WDR55: variants seen among roughly 807,000 people sequenced by gnomAD.
The protein encoded by WDR55 is WD repeat-containing protein 55.
In WDR55, 31 loss-of-function variants were observed where a neutral mutation model predicts 34.0. The observed-to-expected ratio is 0.91, with a 90% confidence interval of 0.69 to 1.23. WDR55 has a LOEUF of 1.23. Ranked by LOEUF, WDR55 falls within the 50% of genes most tolerant of loss-of-function variation. The pLI is 0.00. For synonymous variants in WDR55, 164 were observed against 185.9 expected, an observed-to-expected ratio of 0.88 and a Z score of 0.96; for missense variants, 440 against 494.6, an observed-to-expected ratio of 0.89 and a Z score of 1.05.
At position 140,668,873 on chromosome 5, in the gene WDR55, C is replaced by A; in HGVS notation, c.561-18C>A. 1 of 1,614,204 alleles carries A rather than the reference C, an allele frequency of 6.2e-7. No homozygotes were observed. Among genetic ancestry groups the A allele is most frequent in the South Asian group, 1.1e-5 (1 of 91,076 alleles). ...CAAATAGACCTTGCGTCTAAGCCTA[C>A]TGCTCTACTCTCTACAGCGGGGATG... On this transcript the variant is annotated intron_variant, in intron 4 of 6. Coordinates refer to ENST00000358337, the MANE Select transcript of WDR55 (RefSeq NM_017706.5).
In WDR55 at chr5:140,668,430, C is replaced by T. The variant is rs1757974406; in HGVS notation, c.308C>T (p.Ser103Phe). ...TTTTCCCCAGAGCTCATTACTGTCT[C>T]CAAGGACAAAGCCATCCATGTTCTA... ...SEDGQKLITV[S>F]KDKAIHVLDV... is the part of the protein sequence containing the mutation. The change falls in exon 3 of 7, where the codon TCC (serine) becomes TTC (phenylalanine). Residue 103 changes from serine (S) to phenylalanine (F), a missense_variant. Ser to Phe is a radical substitution (Grantham distance 155). Transcript: ENST00000358337. 6.2e-7 allele frequency: 1 copy of T among 1,614,060 alleles called. No homozygotes were observed. Among genetic ancestry groups the T allele is most frequent in the Non-Finnish European group, 8.5e-7 (1 of 1,180,050 alleles).
In WDR55 at chr5:140,669,322, T is replaced by C. The variant is rs749436887; in HGVS notation, c.831-11T>C. On this transcript the variant is annotated splice_polypyrimidine_tract_variant and intron_variant, in intron 6 of 6. Coordinates refer to ENST00000358337, the MANE Select transcript of WDR55 (RefSeq NM_017706.5). ...CTAGCCAGTACTCAACACTGTTCTT[T>C]CCCTGCCCAGGGCTGTGAACATCCT... 5.0e-6 allele frequency: 8 copies of C among 1,610,514 alleles called. No individual in the cohort carries two copies. The Middle Eastern group carries it at 8.3e-4, about 166-fold the overall frequency.
chr5:140,668,228 C>T lies in WDR55; in HGVS notation c.192-6C>T. On this transcript the variant is annotated splice_region_variant and splice_polypyrimidine_tract_variant and intron_variant, in intron 1 of 6. Coordinates refer to ENST00000358337, the MANE Select transcript of WDR55 (RefSeq NM_017706.5). ...GAGTCATTTACCCTCCTTGCCCTCTCCCCAGCTTTTCCTACTCTTGCCAAG... is the reference window on the plus strand; with the variant it reads ...GAGTCATTTACCCTCCTTGCCCTCTTCCCAGCTTTTCCTACTCTTGCCAAG... 1 of 1,595,066 alleles carries T rather than the reference C, an allele frequency of 6.3e-7. No individual in the cohort carries two copies. Among genetic ancestry groups the T allele is most frequent in the Non-Finnish European group, 8.5e-7 (1 of 1,169,746 alleles).
Position 140,664,957 on chromosome 5 carries a change from CGAG to C in WDR55, c.51_53del (p.Glu17del), listed in dbSNP as rs1561984668. The C allele has an allele frequency of 3.7e-6, 6 of 1,612,366 alleles. No homozygotes were observed. Among genetic ancestry groups the C allele is most frequent in the Non-Finnish European group, 5.1e-6 (6 of 1,179,300 alleles). ...AGAGGCCCGCTGAGGATGGGAGCGACGAGGAGGACCCAGACTCCATGGAAGCCC... is the reference window on the plus strand; with the variant it reads ...AGAGGCCCGCTGAGGATGGGAGCGACGAGGACCCAGACTCCATGGAAGCCC... On this transcript the variant is annotated inframe_deletion, in exon 1 of 7. Coordinates refer to ENST00000358337, the MANE Select transcript of WDR55 (RefSeq NM_017706.5).
intron 3 of WDR55, 27 bp downstream of exon 3, chr5:140,668,529 T>A (rs1373744739): frequency 1.2e-6 from 2 of 1,612,990 alleles, no homozygotes; most frequent in Admixed American, 3.3e-5. Flanking sequence ...ATTCTGTGTA[T>A]GTGCATGGAG....
Position 140,671,611 on chromosome 5 carries a change from G to C in WDR55, c.*1957G>C, listed in dbSNP as rs755742033. The C allele has an allele frequency of 8.9e-6, 14 of 1,573,556 alleles. 1 individual carries two copies. In the South Asian group the frequency reaches 1.3e-4, roughly 14 times the overall value. ...CCCGAGCCCCTTGGAACCCTAACTTGTCCCTTGCCAAAGCCAACTGGCTGC... is the reference window on the plus strand; with the variant it reads ...CCCGAGCCCCTTGGAACCCTAACTTCTCCCTTGCCAAAGCCAACTGGCTGC... On this transcript the variant is annotated 3_prime_UTR_variant, in exon 7 of 7. Coordinates refer to ENST00000358337, the MANE Select transcript of WDR55 (RefSeq NM_017706.5).
In WDR55 at chr5:140,669,330, C is replaced by T. The variant is rs746225503; in HGVS notation, c.831-3C>T. 8.1e-6 allele frequency: 13 copies of T among 1,610,322 alleles called. No individual in the cohort carries two copies. Among genetic ancestry groups the T allele is most frequent in the Middle Eastern group, 1.7e-4 (1 of 6,050 alleles). On this transcript the variant is annotated splice_region_variant and splice_polypyrimidine_tract_variant and intron_variant, in intron 6 of 6. Coordinates refer to ENST00000358337, the MANE Select transcript of WDR55 (RefSeq NM_017706.5). ...TACTCAACACTGTTCTTTCCCTGCC[C>T]AGGGCTGTGAACATCCTACCGAACC...
chr5:140,668,926 G>A lies in WDR55; in HGVS notation c.596G>A (p.Arg199Lys). 6.2e-7 allele frequency: 1 copy of A among 1,614,202 alleles called. No individual in the cohort carries two copies. Among genetic ancestry groups the A allele is most frequent in the Non-Finnish European group, 8.5e-7 (1 of 1,180,050 alleles). Residue 199 changes from arginine to lysine, a missense_variant, in exon 5 of 7, where the codon AGG becomes AAG. Arg to Lys is a conservative substitution (Grantham distance 26). Coordinates refer to ENST00000358337, the MANE Select transcript of WDR55 (RefSeq NM_017706.5). ...DGCLGIFNIK[R>K]RRFELLSEPQ... is the part of the protein sequence containing the mutation. ...TGCCTTGGCATCTTCAACATTAAGAGGCGTCGGTTTGAGCTGCTCTCAGAA... is the reference window on the plus strand; with the variant it reads ...TGCCTTGGCATCTTCAACATTAAGAAGCGTCGGTTTGAGCTGCTCTCAGAA...
rs74742794 is a variant in WDR55, at chr5:140,671,758, A to G, written c.*2104A>G. The G allele has an allele frequency of 1.5e-3, 2,402 of 1,563,882 alleles. 43 individuals are homozygous for G. The African/African-American group carries it at 0.029, about 19-fold the overall frequency. ...CACAGAGGTGTGACTGCCCTGTAGGAAAAATGCAAAGACAAGGGCAGGTCT... is the reference window on the plus strand; with the variant it reads ...CACAGAGGTGTGACTGCCCTGTAGGGAAAATGCAAAGACAAGGGCAGGTCT... On this transcript the variant is annotated 3_prime_UTR_variant, in exon 7 of 7. Transcript: ENST00000358337.
At position 140,672,048 on chromosome 5, in the gene WDR55, T is replaced by C. The variant is rs1581495134; in HGVS notation, c.*2394T>C. 5.3e-6 allele frequency: 3 copies of C among 569,502 alleles called. No individual in the cohort carries two copies. The highest frequency in any genetic ancestry group is 1.9e-5 in the African/African-American group (1 of 53,300). 35.3% of individuals were successfully genotyped at this position (569,502 alleles called of 1,614,324 possible). On this transcript the variant is annotated 3_prime_UTR_variant, in exon 7 of 7. Coordinates refer to ENST00000358337, the MANE Select transcript of WDR55 (RefSeq NM_017706.5). The stretch of plus-strand genomic sequence containing the variant: ...GGAAAACTTGCTGTAAGTCAGTCAG[T>C]GTGCTAAGTACCGTACACCCATTAT...
rs148362958 is a variant in WDR55, at chr5:140,665,298, A to G, written c.191+195A>G. On this transcript the variant is annotated intron_variant, in intron 1 of 6. Transcript: ENST00000358337. ...TGGAATGTCGTGACAGAGCCCAGAT[A>G]CCGTAGTAGGCCAAAAAGCCCTTTA... 4.0e-3 allele frequency among the ~76,000 whole-genome samples: 615 copies of G among 152,348 alleles called. 4 individuals are homozygous for G. Among genetic ancestry groups the G allele is most frequent in the African/African-American group, 0.013 (554 of 41,586 alleles).
At position 140,671,153 on chromosome 5, in the gene WDR55, C is replaced by T. The variant is rs111396059; in HGVS notation, c.*1499C>T. 1.1e-5 allele frequency: 12 copies of T among 1,101,726 alleles called. No homozygotes were observed. Among genetic ancestry groups the T allele is most frequent in the African/African-American group, 1.6e-5 (1 of 63,940 alleles). 68.2% of individuals were successfully genotyped at this position (1,101,726 alleles called of 1,614,324 possible). On this transcript the variant is annotated 3_prime_UTR_variant, in exon 7 of 7. Transcript: ENST00000358337. ...CCCCCAGGTGCCATAGGTCCCTGTC[C>T]CAGCAGGGAGGCTGATGGGCCTGGG...
Position 140,669,451 on chromosome 5 carries a change from C to T in WDR55, c.949C>T (p.Gln317Ter), listed in dbSNP as rs370437926. 197 of 1,613,980 alleles carry T rather than the reference C, an allele frequency of 1.2e-4. No homozygotes were observed. Among genetic ancestry groups the T allele is most frequent in the Non-Finnish European group, 1.6e-4 (189 of 1,180,018 alleles). The change falls in exon 7 of 7, where the codon CAG becomes TAG. Residue 317 changes from glutamine to a stop codon, truncating the protein, a stop_gained. Coordinates refer to ENST00000358337, the MANE Select transcript of WDR55 (RefSeq NM_017706.5). LOFTEE classifies it high-confidence loss of function. ...CTTCCTGGCCAGTAGTGGCCATGAC[C>T]AGCGCCTCAAGTTTTGGGACATGGC... Reference protein sequence around the residue: ...GRFLASSGHDQRLKFWDMAQL... With the variant: ...GRFLASSGHD
In WDR55 at chr5:140,671,680, G is replaced by T. The variant is rs781360938; in HGVS notation, c.*2026G>T. The T allele has an allele frequency of 1.3e-5, 20 of 1,584,698 alleles. No individual in the cohort carries two copies. The highest frequency in any genetic ancestry group is 1.8e-5 in the Admixed American group (1 of 55,420). ...GCAAGAAGGGACCCACAAGCTGCTG[G>T]CGAAGTCGCTGCTTCAGGTCTGGCT... On this transcript the variant is annotated 3_prime_UTR_variant, in exon 7 of 7. Coordinates refer to ENST00000358337, the MANE Select transcript of WDR55 (RefSeq NM_017706.5).
chr5:140,668,880 A>G lies in WDR55; in HGVS notation c.561-11A>G. 5 of 1,613,986 alleles carry G rather than the reference A, an allele frequency of 3.1e-6. No individual in the cohort carries two copies. Among genetic ancestry groups the G allele is most frequent in the Non-Finnish European group, 4.2e-6 (5 of 1,180,004 alleles). ...ACCTTGCGTCTAAGCCTACTGCTCT[A>G]CTCTCTACAGCGGGGATGGCTGCCT... On this transcript the variant is annotated splice_polypyrimidine_tract_variant and intron_variant, in intron 4 of 6. Transcript: ENST00000358337.
chr5:140,672,315 A>G lies in WDR55; in HGVS notation c.*2661A>G. On this transcript the variant is annotated 3_prime_UTR_variant, in exon 7 of 7. Transcript: ENST00000358337. Reference sequence around the variant, plus strand: ...CCATTGGAAGTTTTAAAAATCTGAGATCAAATAGTAAAAGGTTGCAAATTC... The same window carrying G: ...CCATTGGAAGTTTTAAAAATCTGAGGTCAAATAGTAAAAGGTTGCAAATTC... 9.9e-7 allele frequency: 1 copy of G among 1,012,440 alleles called. No homozygotes were observed. 62.7% of individuals were successfully genotyped at this position (1,012,440 alleles called of 1,614,324 possible). A position where few individuals can be genotyped will look rare whatever the true frequency, so the allele number is the denominator to read the frequency against.
intron 3 of WDR55, 24 bp from the exon 4 acceptor site, chr5:140,668,588 G>C (rs1413135653): frequency 4.3e-6 from 7 of 1,610,930 alleles, no homozygotes; most frequent in African/African-American, 1.3e-5. Context: ...GATGCTCCAA[G>C]AAGTTCTACA....
At position 140,669,213 on chromosome 5, in the gene WDR55, T is replaced by A; in HGVS notation, c.795T>A (p.Ser265Arg). The A allele has an allele frequency of 6.2e-7, 1 of 1,612,382 alleles. No homozygotes were observed. Among genetic ancestry groups the A allele is most frequent in the Non-Finnish European group, 8.5e-7 (1 of 1,179,640 alleles). ...ACTGCATGGTTCCAGTCACCGAGAG[T>A]CTGCTGTGTACTGGCTCCACTGATG... ...SIDCMVPVTESLLCTGSTDGV... is the reference protein window; with the variant it reads ...SIDCMVPVTERLLCTGSTDGV... The change falls in exon 6 of 7, where the codon AGT becomes AGA. Residue 265 changes from serine to arginine, a missense_variant. Physicochemically the swap from Ser to Arg is moderately radical, Grantham distance 110. Coordinates refer to ENST00000358337, the MANE Select transcript of WDR55 (RefSeq NM_017706.5).
At position 140,671,655 on chromosome 5, in the gene WDR55, G is replaced by T. The variant is rs747080694; in HGVS notation, c.*2001G>T. On this transcript the variant is annotated 3_prime_UTR_variant, in exon 7 of 7. Coordinates refer to ENST00000358337, the MANE Select transcript of WDR55 (RefSeq NM_017706.5). ...TGGCTGCCCTCTGGCTGTGGGGACC[G>T]CAAGAAGGGACCCACAAGCTGCTGG... The T allele has an allele frequency of 5.1e-6, 8 of 1,580,646 alleles. No individual in the cohort carries two copies. In the East Asian group the frequency reaches 1.6e-4, roughly 32 times the overall value.
Sources: allele counts gnomAD v4.1 joint callset (sites outside exome capture counted in the v4.1 genomes callset), GRCh38; gene constraint gnomAD v4.1.1; transcripts MANE v1.5; gene names NCBI Gene and HGNC (gene_info 2026-07-23, HGNC 2026-07-21).